The following CHRNA4 variants were observed in gnomAD, a reference collection of about 807,000 sequenced individuals.
The protein encoded by CHRNA4 is neuronal acetylcholine receptor subunit alpha-4.
Under a neutral mutation model 48.9 loss-of-function variants are expected in CHRNA4, and 28 were observed. That is an observed-to-expected ratio of 0.57 (90% CI 0.42 to 0.79). The LOEUF is 0.79. Ranked by LOEUF, CHRNA4 falls within the 30% of genes least tolerant of loss-of-function variation. CHRNA4 has a pLI of 0.00. For missense variants in CHRNA4, 859 were observed against 898.4 expected, an observed-to-expected ratio of 0.96 and a Z score of 0.56; for synonymous variants, 425 against 402.3, an observed-to-expected ratio of 1.06 and a Z score of -0.68.
At position 63,359,816 on chromosome 20, in the gene CHRNA4, C is replaced by T. The variant is rs2068779728; in HGVS notation, c.77-117G>A. ...CCAGCACGTCCACTTCCTTTCAGCT[C>T]CTCACATGAGCCCTTCCCACCCCAG... On this transcript the variant is annotated intron_variant, in intron 1 of 5. Transcript: ENST00000370263. 3 of 1,228,700 alleles carry T rather than the reference C, an allele frequency of 2.4e-6. No individual in the cohort carries two copies. The Admixed American group carries it at 6.8e-5, about 28-fold the overall frequency. The allele number at this position is 1,228,700 out of a possible 1,614,324, so 76.1% of individuals were successfully genotyped here.
At chr20:63,360,247 G>A (rs1026589785) in intron 1 of CHRNA4, 8 of 165,994 alleles carry the variant, frequency 4.8e-5, no homozygotes, top group Non-Finnish European at 9.3e-5. Flanking sequence ...AAGGAGGATC[G>A]GGCCCCCACA....
Position 63,361,185 on chromosome 20 carries a change from C to G in CHRNA4, c.-20G>C. On this transcript the variant is annotated 5_prime_UTR_variant, in exon 1 of 6. Coordinates refer to ENST00000370263, the MANE Select transcript of CHRNA4 (RefSeq NM_000744.7). ...CTCCATGGCGCACGCACCTCGCGGG[C>G]TCTAGATGCGGGCGGCTCCCGGCTC... The G allele has an allele frequency of 6.8e-7, 1 of 1,461,114 alleles. No homozygotes were observed. The highest frequency in any genetic ancestry group is 9.0e-7 in the Non-Finnish European group (1 of 1,109,738). The allele number at this position is 1,461,114 out of a possible 1,614,324, so 90.5% of individuals were successfully genotyped here.
chr20:63,350,222 C>G lies in CHRNA4; in HGVS notation c.1189G>C (p.Gly397Arg). 6.2e-7 allele frequency: 1 copy of G among 1,606,900 alleles called. No homozygotes were observed. Among genetic ancestry groups the G allele is most frequent in the Non-Finnish European group, 8.5e-7 (1 of 1,176,982 alleles). Residue 397 changes from glycine (G) to arginine (R), a missense_variant, in exon 5 of 6, where the codon GGC (glycine) becomes CGC (arginine). This residue lies in a region of CHRNA4 where 478 missense variants were observed against 455.4 expected (regional missense o/e 1.05). Transcript: ENST00000370263. ...EPEGEPPATS[G>R]TQSLHPPSPS... Reference sequence around the variant, plus strand: ...GAGGGCGGGTGCAGGCTCTGGGTGCCGCTCGTGGCAGGGGGCTCCCCTTCT... The same window carrying G: ...GAGGGCGGGTGCAGGCTCTGGGTGCGGCTCGTGGCAGGGGGCTCCCCTTCT...
intron 5 of CHRNA4, among the ~76,000 whole-genome samples, chr20:63,349,224 CG>C (rs912747764): frequency 5.9e-5 from 9 of 152,180 alleles, no homozygotes; most frequent in African/African-American, 2.2e-4. Context: ...GGAGGGGCCC[CG>C]GGGAGGCCCG....
At chr20:63,348,102 T>C (rs563927965) in intron 5 of CHRNA4, among the ~76,000 whole-genome samples, 1 of 152,326 alleles carries the variant, frequency 6.6e-6, no homozygotes, top group East Asian at 1.9e-4. Context: ...GCCTTCCCTT[T>C]GTCCCCGAGG....
rs1369348649 is a variant in CHRNA4 at position 63,346,158 on chromosome 20, AAC to A, written c.*578_*579del. Reference sequence around the variant, plus strand: ...CACTAACTTACCCAAAACACAACCAAACACAATCCCTGCCTGGACCCTCTCCT... The same window carrying A: ...CACTAACTTACCCAAAACACAACCAAACAATCCCTGCCTGGACCCTCTCCT... On this transcript the variant is annotated 3_prime_UTR_variant, in exon 6 of 6. Transcript: ENST00000370263. 1 of 453,990 alleles carries A rather than the reference AAC, an allele frequency of 2.2e-6. No individual in the cohort carries two copies. Among genetic ancestry groups the A allele is most frequent in the Non-Finnish European group, 4.4e-6 (1 of 226,742 alleles). 28.1% of individuals were successfully genotyped at this position (453,990 alleles called of 1,614,324 possible).
At chr20:63,351,113 GT>G (rs2068592961) in intron 4 of CHRNA4, 86 bp from the exon 5 acceptor site, 1 of 1,437,654 alleles carries the variant, frequency 7.0e-7, no homozygotes. Flanking sequence ...CCATGCCCAC[GT>G]CCACACCCAC....
At chr20:63,347,940 G>A (rs764842990) in intron 5 of CHRNA4, among the ~76,000 whole-genome samples, 5 of 152,228 alleles carry the variant, frequency 3.3e-5, no homozygotes, top group Admixed American at 6.5e-5. Flanking sequence ...GAAGGCAAAC[G>A]GGGTCACTTA....
intron 1 of CHRNA4, 159 bp from the exon 2 acceptor site, chr20:63,359,858 G>A (rs71325434): frequency 2.3e-6 from 2 of 870,428 alleles, no homozygotes; most frequent in Non-Finnish European, 1.7e-6. Context: ...TGTGTGTGCC[G>A]GGCGTGCGCT....
Position 63,350,295 on chromosome 20 carries a change from G to T in CHRNA4, c.1116C>A (p.Ile372=). 6.2e-7 allele frequency: 1 copy of T among 1,612,824 alleles called. No individual in the cohort carries two copies. Among genetic ancestry groups the T allele is most frequent in the East Asian group, 2.2e-5 (1 of 44,872 alleles). Residue 372 remains isoleucine, a synonymous_variant, in exon 5 of 6, where the codon ATC becomes ATA. Coordinates refer to ENST00000370263, the MANE Select transcript of CHRNA4 (RefSeq NM_000744.7). ...CACTGGCCATCTTATGCATGGACTC[G>T]ATGAGCCGCCGGCAATTGTCCTTGA... ...SVVKDNCRRL[I]ESMHKMASAP...
In CHRNA4 at chr20:63,345,214, G is replaced by A; in HGVS notation, c.*1524C>T. The A allele has an allele frequency of 4.5e-6, 2 of 446,322 alleles. No individual in the cohort carries two copies. Among genetic ancestry groups the A allele is most frequent in the Non-Finnish European group, 9.1e-6 (2 of 220,672 alleles). The allele number at this position is 446,322 out of a possible 1,614,324, so 27.6% of individuals were successfully genotyped here. A position where few individuals can be genotyped will look rare whatever the true frequency, so the allele number is the denominator to read the frequency against. On this transcript the variant is annotated 3_prime_UTR_variant, in exon 6 of 6. Transcript: ENST00000370263. The surrounding 1 kb of genome is among the most constrained non-coding windows in gnomAD (Gnocchi z 5.4). ...CCCAGGAGAGCTCGGCTCGGGGACA[G>A]AGGAATGAGACTCAGTGGGACGCAG...
In CHRNA4 at chr20:63,350,077, G is replaced by A. The variant is rs773253903; in HGVS notation, c.1334C>T (p.Ser445Leu). 63 of 1,520,974 alleles carry A rather than the reference G, an allele frequency of 4.1e-5. No individual in the cohort carries two copies. Among genetic ancestry groups the A allele is most frequent in the East Asian group, 3.1e-4 (13 of 42,354 alleles). The allele number at this position is 1,520,974 out of a possible 1,614,324, so 94.2% of individuals were successfully genotyped here. A position where few individuals can be genotyped will look rare whatever the true frequency, so the allele number is the denominator to read the frequency against. Reference protein sequence around the residue: ...LEAEKASPHPSPGPCRPPHGT... With the variant: ...LEAEKASPHPLPGPCRPPHGT... ...GTGGGGCGGGCGGCAGGGTCCAGGC[G>A]AGGGGTGGGGGCTGGCTTTCTCAGC... The change falls in exon 5 of 6, where the codon TCG becomes TTG. Residue 445 changes from serine (S) to leucine (L), a missense_variant. Coordinates refer to ENST00000370263, the MANE Select transcript of CHRNA4 (RefSeq NM_000744.7).
At chr20:63,360,840 C>A (rs1165602061) in intron 1 of CHRNA4, 2 of 391,398 alleles carry the variant, frequency 5.1e-6, no homozygotes, top group East Asian at 3.8e-5. Context: ...AGCAGCGGAA[C>A]CCCCCACACC....
intron 4 of CHRNA4, among the ~76,000 whole-genome samples, chr20:63,353,526 T>C (rs1480301041): frequency 1.9e-5 from 1 of 52,720 alleles, no homozygotes; most frequent in African/African-American, 8.2e-5. Context: ...TGGGGGGCTG[T>C]GGTCCTAGAG....
In CHRNA4 at chr20:63,344,568, G is replaced by A. The variant is rs747305823; in HGVS notation, c.*2170C>T. ...CCCCGGCAGGAGGGTCCCCCGGCAG[G>A]AGCGTCCCAGCCACTCCGCAGTCAC... On this transcript the variant is annotated 3_prime_UTR_variant, in exon 6 of 6. Coordinates refer to ENST00000370263, the MANE Select transcript of CHRNA4 (RefSeq NM_000744.7). This position sits in a 1 kb window ranked among gnomAD's most constrained non-coding sequence, Gnocchi z 4.5. 6 of 452,628 alleles carry A rather than the reference G, an allele frequency of 1.3e-5. No homozygotes were observed. The highest frequency in any genetic ancestry group is 7.8e-5 in the South Asian group (5 of 64,386). The allele number at this position is 452,628 out of a possible 1,614,324, so 28.0% of individuals were successfully genotyped here.
rs1373405682 is a variant in CHRNA4, at chr20:63,344,874, A to T, written c.*1864T>A. The T allele has an allele frequency of 2.4e-6, 1 of 422,824 alleles. No individual in the cohort carries two copies. The highest frequency in any genetic ancestry group is 4.8e-6 in the Non-Finnish European group (1 of 210,236). The allele number at this position is 422,824 out of a possible 1,614,324, so 26.2% of individuals were successfully genotyped here. A position where few individuals can be genotyped will look rare whatever the true frequency, so the allele number is the denominator to read the frequency against. On this transcript the variant is annotated 3_prime_UTR_variant, in exon 6 of 6. Transcript: ENST00000370263. This position sits in a 1 kb window ranked among gnomAD's most constrained non-coding sequence, Gnocchi z 4.5. ...GCGGGGGCAGGTCAGAGCTCAGCAGATGGGGTCCTGAATACACGGGGGATG... is the reference window on the plus strand; with the variant it reads ...GCGGGGGCAGGTCAGAGCTCAGCAGTTGGGGTCCTGAATACACGGGGGATG...
chr20:63,348,963 C>T (rs2068538805), intron 5 of CHRNA4, among the ~76,000 whole-genome samples: 2 of 152,226 alleles, frequency 1.3e-5, no homozygotes, highest in Admixed American at 1.3e-4. Flanking sequence ...GAAACTGTGG[C>T]TCCTGGGGCC....
rs752812151 is a variant in CHRNA4 at position 63,350,429 on chromosome 20, G to C, written c.982C>G (p.Leu328Val). 2.5e-6 allele frequency: 4 copies of C among 1,613,932 alleles called. No homozygotes were observed. The South Asian group carries it at 3.3e-5, about 13-fold the overall frequency. ...TLSIVITVFV[L>V]NVHHRSPRTH... ...CGTGGCGAGCGGTGGTGCACGTTGA[G>C]CACGAAGACCGTGATGACGATGGAC... Residue 328 changes from leucine to valine, a missense_variant, in exon 5 of 6, where the codon CTC becomes GTC. By Grantham distance (32) the Leu-to-Val change is conservative (BLOSUM62 1). This residue lies in a region of CHRNA4 where 478 missense variants were observed against 455.4 expected (regional missense o/e 1.05). Transcript: ENST00000370263.
intron 5 of CHRNA4, among the ~76,000 whole-genome samples, chr20:63,347,908 C>T (rs1011757526): frequency 1.3e-5 from 2 of 152,208 alleles, no homozygotes; most frequent in Admixed American, 6.5e-5. Context: ...CCAAAACGGC[C>T]GCATTTATCT....
Sources: allele counts gnomAD v4.1 joint callset (sites outside exome capture counted in the v4.1 genomes callset), GRCh38; gene constraint gnomAD v4.1.1; regional missense constraint gnomAD v4.1.1; non-coding constraint Gnocchi (gnomAD v3.1); transcripts MANE v1.5; gene names NCBI Gene and HGNC (gene_info 2026-07-23, HGNC 2026-07-21).